The following COL13A1 variants were observed in gnomAD, a reference collection of about 807,000 sequenced individuals.
The protein encoded by COL13A1 is collagen alpha-1(XIII) chain.
COL13A1 carries 89 observed loss-of-function variants against 130.9 expected under a neutral mutation model. The ratio of observed to expected loss-of-function variants is 0.68; its 90% CI spans 0.57 to 0.81. COL13A1 has a LOEUF of 0.81. Among genes scored for constraint, COL13A1 ranks in the 30% least tolerant of loss-of-function variants. The pLI is 0.00. For missense variants in COL13A1, 879 were observed against 934.6 expected (o/e 0.94, Z 0.78); for synonymous variants, 402 against 341.6 (o/e 1.18, Z -1.95).
intron 21 of COL13A1, among the ~76,000 whole-genome samples, 173 bp from the exon 22 acceptor site, chr10:69,921,709 G>C (rs2064700354): frequency 6.6e-6 from 1 of 152,216 alleles, no homozygotes; most frequent in Non-Finnish European, 1.5e-5. Flanking sequence ...CATGGAAGTA[G>C]CCAGTCAGGA....
At chr10:69,852,869 C>G (rs3897192) in intron 2 of COL13A1, among the ~76,000 whole-genome samples, 107,913 of 152,182 alleles carry the variant, frequency 0.71, 38,789 homozygotes, top group East Asian at 0.94. Flanking sequence ...CATTGCTGGG[C>G]CTGGGGCTGC....
At chr10:69,897,527 T>C in intron 13 of COL13A1, 2 of 1,613,910 alleles carry the variant, frequency 1.2e-6, no homozygotes. Flanking sequence ...ATAATTGCCC[T>C]GAAGGTTTGT....
intron 3 of COL13A1, among the ~76,000 whole-genome samples, chr10:69,871,312 G>A (rs1416118139): frequency 6.6e-6 from 1 of 152,136 alleles, no homozygotes. Context: ...TGTGTCTTGA[G>A]GATTACTGAG....
At chr10:69,920,846 C>T (rs2064566260) in intron 21 of COL13A1, among the ~76,000 whole-genome samples, 1 of 152,220 alleles carries the variant, frequency 6.6e-6, no homozygotes, top group South Asian at 2.1e-4. Flanking sequence ...CGACCTGCCT[C>T]TGCCACTGAC....
In COL13A1 at chr10:69,917,300, C is replaced by A; in HGVS notation, c.933C>A (p.Gly311=). ...ATTTCTTCCTCCAGGGAGAACGGGG[C>A]ATGCCAGGGATGCCAGGCAAGCATG... is the stretch of plus-strand genomic sequence containing the variant. ...QGYHGRKGER[G]MPGMPGKHGA... Residue 311 remains glycine, a synonymous_variant, in exon 18 of 41, where the codon GGC becomes GGA. Coordinates refer to ENST00000645393, the MANE Select transcript of COL13A1 (RefSeq NM_001368882.1). 1 of 1,613,696 alleles carries A rather than the reference C, an allele frequency of 6.2e-7. No individual in the cohort carries two copies.
intron 1 of COL13A1, among the ~76,000 whole-genome samples, chr10:69,811,591 C>T (rs1391717008): frequency 6.6e-6 from 1 of 152,156 alleles, no homozygotes; most frequent in African/African-American, 2.4e-5. Flanking sequence ...GCTCCGGACA[C>T]CTCCAGCCTC....
chr10:69,808,804 G>GGGAA (rs1212830065), intron 1 of COL13A1, among the ~76,000 whole-genome samples: 4 of 152,336 alleles, frequency 2.6e-5, no homozygotes, highest in African/African-American at 9.6e-5. Context: ...TTAGAGGCTG[G>GGGAA]GGAAGGTTTA....
At position 69,919,105 on chromosome 10, in the gene COL13A1, A is replaced by T; in HGVS notation, c.1026+17A>T. 6.2e-7 allele frequency: 1 copy of T among 1,613,892 alleles called. No homozygotes were observed. Among genetic ancestry groups the T allele is most frequent in the Non-Finnish European group, 8.5e-7 (1 of 1,179,830 alleles). On this transcript the variant is annotated intron_variant, in intron 20 of 40. Transcript: ENST00000645393. ...GGAACCAAGGTACTGATGCAGAGAGAATGTTCCGGGCTGCACAGAGCATCG... is the reference window on the plus strand; with the variant it reads ...GGAACCAAGGTACTGATGCAGAGAGTATGTTCCGGGCTGCACAGAGCATCG...
chr10:69,860,668 C>A, intron 2 of COL13A1: 3 of 160,312 alleles, frequency 1.9e-5, no homozygotes, highest in Non-Finnish European at 3.7e-5. Context: ...ACCCTCCATC[C>A]CCCTGGGCAG....
Position 69,919,059 on chromosome 10 carries a change from C to T in COL13A1, c.1000-3C>T. ...TCACATTTGTTTCTCTTTTTCCACA[C>T]AGGGTGAGCCAGGGATCCCAGGAAC... On this transcript the variant is annotated splice_region_variant and splice_polypyrimidine_tract_variant and intron_variant, in intron 19 of 40. Coordinates refer to ENST00000645393, the MANE Select transcript of COL13A1 (RefSeq NM_001368882.1). The T allele has an allele frequency of 6.2e-7, 1 of 1,613,996 alleles. No individual in the cohort carries two copies. The highest frequency in any genetic ancestry group is 8.5e-7 in the Non-Finnish European group (1 of 1,179,868).
At chr10:69,936,405 C>T (rs975764356) in intron 32 of COL13A1, among the ~76,000 whole-genome samples, 2 of 152,180 alleles carry the variant, frequency 1.3e-5, no homozygotes, top group Non-Finnish European at 2.9e-5. Flanking sequence ...TAGGAGCCAG[C>T]GTTTATTGAA....
At chr10:69,946,360 C>A (rs35079330) in intron 37 of COL13A1, among the ~76,000 whole-genome samples, 11,818 of 152,266 alleles carry the variant, frequency 0.078, 592 homozygotes, top group Middle Eastern at 0.16. Context: ...CAAATCCAGA[C>A]CCCTGTGATA....
At chr10:69,813,471 G>A (rs1843602308) in intron 1 of COL13A1, among the ~76,000 whole-genome samples, 1 of 152,182 alleles carries the variant, frequency 6.6e-6, no homozygotes, top group African/African-American at 2.4e-5. Flanking sequence ...TGTGGTTCTG[G>A]TGAGACAGGG....
At chr10:69,844,258 G>A (rs1439723028) in intron 2 of COL13A1, among the ~76,000 whole-genome samples, 2 of 152,180 alleles carry the variant, frequency 1.3e-5, no homozygotes, top group African/African-American at 2.4e-5. Context: ...GTCCAGGGAG[G>A]ATGGGCCATA....
chr10:69,806,165 G>A (rs1331412947), intron 1 of COL13A1, among the ~76,000 whole-genome samples: 1 of 152,214 alleles, frequency 6.6e-6, no homozygotes, highest in African/African-American at 2.4e-5. Flanking sequence ...GGGCCCTTAG[G>A]GATCTGGGGC....
intron 1 of COL13A1, among the ~76,000 whole-genome samples, chr10:69,815,825 T>C (rs1034009300): frequency 6.6e-6 from 1 of 151,774 alleles, no homozygotes. Context: ...GAAAAAAGTA[T>C]CCAGGTCCTT....
chr10:69,902,716 T>C, intron 14 of COL13A1, 32 bp from the exon 15 acceptor site: 1 of 1,529,476 alleles, frequency 6.5e-7, no homozygotes, highest in East Asian at 2.5e-5. Flanking sequence ...TCTGGGGGCC[T>C]TCCCTCTAAC....
At chr10:69,866,667 G>A (rs1409195449) in intron 2 of COL13A1, among the ~76,000 whole-genome samples, 3 of 152,026 alleles carry the variant, frequency 2.0e-5, no homozygotes, top group African/African-American at 7.2e-5. Context: ...GACTTTTTCT[G>A]TTGCTTTTAA....
chr10:69,852,709 G>C (rs529064376), intron 2 of COL13A1, among the ~76,000 whole-genome samples: 2 of 152,374 alleles, frequency 1.3e-5, no homozygotes, highest in South Asian at 2.1e-4. Context: ...CAAGTACAAG[G>C]GTGGCGCCAA....
Sources: allele counts gnomAD v4.1 joint callset (sites outside exome capture counted in the v4.1 genomes callset), GRCh38; gene constraint gnomAD v4.1.1; transcripts MANE v1.5; gene names NCBI Gene and HGNC (gene_info 2026-07-23, HGNC 2026-07-21).